CLVS1: variants seen among roughly 807,000 people sequenced by gnomAD.
CLVS1 encodes the protein clavesin-1.
In CLVS1, 10 loss-of-function variants were observed where a neutral mutation model predicts 33.1. That is an observed-to-expected ratio of 0.30 (90% CI 0.19 to 0.51). The LOEUF (loss-of-function observed/expected upper bound fraction) is 0.51. CLVS1 is among the 20% of genes least tolerant of loss of function. The pLI is 0.97. For synonymous variants in CLVS1, 163 were observed against 166.1 expected (o/e 0.98, Z 0.14); for missense variants, 343 against 433.4 (o/e 0.79, Z 1.85).
chr8:61,150,465 C>A (rs1563421847), intron 2 of CLVS1, among the ~76,000 whole-genome samples: 1 of 152,190 alleles, frequency 6.6e-6, no homozygotes, highest in East Asian at 1.9e-4. Flanking sequence ...TCATTCTCCA[C>A]ACCTCACCCC....
intron 2 of CLVS1, among the ~76,000 whole-genome samples, chr8:61,153,178 T>C (rs938325111): frequency 6.6e-6 from 1 of 152,102 alleles, no homozygotes; most frequent in Non-Finnish European, 1.5e-5. Context: ...ATCAAATTAT[T>C]TTCTCTATGC....
intron 3 of CLVS1, among the ~76,000 whole-genome samples, chr8:61,429,218 A>G (rs140411815): frequency 0.015 from 2,352 of 152,040 alleles, 77 homozygotes; most frequent in African/African-American, 0.054. Flanking sequence ...TCAGGAGTTC[A>G]AGACCAGCCT....
intron 2 of CLVS1, among the ~76,000 whole-genome samples, chr8:61,347,055 C>T (rs182655238): frequency 6.6e-6 from 1 of 152,286 alleles, no homozygotes; most frequent in Non-Finnish European, 1.5e-5. Flanking sequence ...TGTTGTACAA[C>T]TAACTCTAAG....
At chr8:61,221,302 A>G (rs1178998197) in intron 2 of CLVS1, among the ~76,000 whole-genome samples, 1 of 152,166 alleles carries the variant, frequency 6.6e-6, no homozygotes, top group East Asian at 1.9e-4. Flanking sequence ...CCCATTCAGT[A>G]TGATATTGGC....
chr8:61,230,135 G>A (rs1004921061), intron 2 of CLVS1, among the ~76,000 whole-genome samples: 2 of 152,190 alleles, frequency 1.3e-5, no homozygotes, highest in Non-Finnish European at 2.9e-5. Flanking sequence ...TGAGAGGGAG[G>A]AATAAACTAA....
intron 3 of CLVS1, among the ~76,000 whole-genome samples, chr8:61,450,530 C>T (rs1816913796): frequency 6.6e-6 from 1 of 152,068 alleles, no homozygotes. Flanking sequence ...AAAGAATATG[C>T]CAACTGTTCG....
At chr8:61,234,985 T>A (rs577384602) in intron 2 of CLVS1, among the ~76,000 whole-genome samples, 2 of 152,236 alleles carry the variant, frequency 1.3e-5, no homozygotes, top group South Asian at 4.2e-4. Flanking sequence ...GAATGATCAT[T>A]GTCATCCCAA....
chr8:61,184,756 A>G (rs1807309329), intron 2 of CLVS1, among the ~76,000 whole-genome samples: 1 of 152,244 alleles, frequency 6.6e-6, no homozygotes, highest in African/African-American at 2.4e-5. Context: ...CAGCTGGGGT[A>G]TACAAAATAT....
chr8:61,486,130 A>T (rs1334453128), intron 5 of CLVS1, among the ~76,000 whole-genome samples: 5 of 131,764 alleles, frequency 3.8e-5, no homozygotes, highest in Admixed American at 1.4e-4. Context: ...AATAAATAAA[A>T]TAAATGGGAG....
Position 61,246,387 on chromosome 8 carries a change from C to T in CLVS1, c.-151-53290C>T, listed in dbSNP as rs1483016427. Among the ~76,000 whole-genome samples, 3 of 151,622 alleles carry T rather than the reference C, an allele frequency of 2.0e-5. No homozygotes were observed. The East Asian group carries it at 5.9e-4, about 30-fold the overall frequency. ...GTTGCACCATGTTGGTCAGGCTGGT[C>T]TCGAACTCCTGACCTCAAGTGATAC... On this transcript the variant is annotated intron_variant, in intron 2 of 2. Transcript: ENST00000522621.
chr8:61,259,548 A>C (rs1194350914), intron 2 of CLVS1, among the ~76,000 whole-genome samples: 2 of 152,222 alleles, frequency 1.3e-5, no homozygotes, highest in Non-Finnish European at 2.9e-5. Context: ...TAACTATGGC[A>C]GTAACTGCAG....
the CLVS1 span, among the ~76,000 whole-genome samples, chr8:61,037,593 T>G: frequency 6.6e-6 from 1 of 152,214 alleles, no homozygotes; most frequent in Non-Finnish European, 1.5e-5. Flanking sequence ...GCCATGAATG[T>G]GGGTCTACGT....
intron 2 of CLVS1, among the ~76,000 whole-genome samples, chr8:61,279,799 T>C (rs1271100926): frequency 6.6e-6 from 1 of 152,232 alleles, no homozygotes; most frequent in Non-Finnish European, 1.5e-5. Context: ...CTAGTAAATA[T>C]TTTATCCAGT....
intron 5 of CLVS1, among the ~76,000 whole-genome samples, chr8:61,461,758 T>C (rs2129607318): frequency 6.6e-6 from 1 of 152,312 alleles, no homozygotes; most frequent in Admixed American, 6.5e-5. Flanking sequence ...ACCCTGTAGT[T>C]GGTGGGTATG....
At chr8:61,049,054 G>A in the CLVS1 span, among the ~76,000 whole-genome samples, 1 of 152,142 alleles carries the variant, frequency 6.6e-6, no homozygotes, top group African/African-American at 2.4e-5. Flanking sequence ...AATTTATTCA[G>A]GGACACCTCT....
rs141729489 is a variant in CLVS1, at chr8:61,278,445, G to A, written c.-151-21232G>A. Among the ~76,000 whole-genome samples the A allele has an allele frequency of 1.6e-3, 239 of 152,224 alleles. 1 individual carries two copies. The highest frequency in any genetic ancestry group is 7.7e-3 in the South Asian group (37 of 4,808). On this transcript the variant is annotated intron_variant, in intron 2 of 2. Coordinates refer to the CLVS1 transcript ENST00000522621. ...CCTCTACAATTTTAAAAGGATCCTC[G>A]TATAGATGTGTTTCCTTTTTTTGAG...
chr8:61,196,970 A>T (rs1259870474), intron 2 of CLVS1, among the ~76,000 whole-genome samples: 1 of 152,182 alleles, frequency 6.6e-6, no homozygotes, highest in Non-Finnish European at 1.5e-5. Context: ...ATGTGCTGAA[A>T]TGAAGACACA....
At chr8:61,476,447 T>A (rs2129607968) in intron 5 of CLVS1, among the ~76,000 whole-genome samples, 1 of 152,324 alleles carries the variant, frequency 6.6e-6, no homozygotes, top group Non-Finnish European at 1.5e-5. Context: ...TGTTCTTCCA[T>A]TTGTTTGTAT....
chr8:61,188,237 G>T (rs757782856), intron 2 of CLVS1, among the ~76,000 whole-genome samples: 19 of 152,130 alleles, frequency 1.2e-4, no homozygotes, highest in Non-Finnish European at 2.5e-4. Context: ...GAATAAAACT[G>T]CAAATCTTGA....
Sources: allele counts gnomAD v4.1 joint callset (sites outside exome capture counted in the v4.1 genomes callset), GRCh38; gene constraint gnomAD v4.1.1; transcripts MANE v1.5; gene names NCBI Gene and HGNC (gene_info 2026-07-23, HGNC 2026-07-21).